The following ATXN1 variants were observed in gnomAD, a reference collection of about 807,000 sequenced individuals.
ATXN1 encodes ataxin-1.
A neutral mutation model predicts 56.4 loss-of-function variants in ATXN1; 8 were observed. That is an observed-to-expected ratio of 0.14 (90% CI 0.08 to 0.26). The LOEUF is 0.26. Among genes scored for constraint, ATXN1 ranks in the 10% least tolerant of loss-of-function variants. ATXN1 has a pLI of 1.00. For synonymous variants in ATXN1, 514 were observed against 494.6 expected (o/e 1.04, Z -0.52); for missense variants, 987 against 1,106.5 (o/e 0.89, Z 1.53).
chr6:16,517,362 C>T (rs1469071196), intron 5 of ATXN1, among the ~76,000 whole-genome samples: 3 of 152,208 alleles, frequency 2.0e-5, no homozygotes, highest in Non-Finnish European at 4.4e-5. Flanking sequence ...CACTTGACCT[C>T]TTCATGTCCC....
chr6:16,412,531 T>A (rs1758819938), intron 6 of ATXN1, among the ~76,000 whole-genome samples: 1 of 152,154 alleles, frequency 6.6e-6, no homozygotes, highest in African/African-American at 2.4e-5. Context: ...TACAATTCTA[T>A]CCACGGCAAC....
intron 6 of ATXN1, among the ~76,000 whole-genome samples, chr6:16,457,289 G>C (rs1307668032): frequency 2.0e-5 from 3 of 151,948 alleles, no homozygotes; most frequent in Non-Finnish European, 4.4e-5. Context: ...TTGTGGTCTA[G>C]GAGGAAAACT....
chr6:16,602,486 C>G (rs1352662282), intron 3 of ATXN1, among the ~76,000 whole-genome samples: 2 of 149,360 alleles, frequency 1.3e-5, no homozygotes, highest in African/African-American at 2.5e-5. Context: ...GAGTCTCGCT[C>G]TGTGACCCAG....
At chr6:16,470,690 C>T (rs543411735) in intron 6 of ATXN1, among the ~76,000 whole-genome samples, 74 of 152,150 alleles carry the variant, frequency 4.9e-4, no homozygotes, top group African/African-American at 1.7e-3. Context: ...AAGATCTCCC[C>T]TGGGATCAGC....
intron 3 of ATXN1, among the ~76,000 whole-genome samples, chr6:16,607,965 T>A (rs1763040349): frequency 6.6e-6 from 1 of 152,216 alleles, no homozygotes; most frequent in Non-Finnish European, 1.5e-5. Flanking sequence ...TTCCCATATA[T>A]AATCTTGTTA....
At chr6:16,577,107 G>A (rs1762436657) in intron 4 of ATXN1, among the ~76,000 whole-genome samples, 1 of 152,104 alleles carries the variant, frequency 6.6e-6, no homozygotes, top group Admixed American at 6.5e-5. Flanking sequence ...CCAGACCACA[G>A]ACACACCCCG....
At chr6:16,390,094 T>C (rs1408277308) in intron 6 of ATXN1, among the ~76,000 whole-genome samples, 5 of 152,214 alleles carry the variant, frequency 3.3e-5, no homozygotes, top group Non-Finnish European at 5.9e-5. Flanking sequence ...ATCTGTAATG[T>C]CTGGCTAACA....
chr6:16,516,227 G>C (rs867965332), intron 5 of ATXN1, among the ~76,000 whole-genome samples: 5 of 152,116 alleles, frequency 3.3e-5, no homozygotes, highest in Admixed American at 1.3e-4. Context: ...CCAAGCCTGG[G>C]CTTTGGGGGC....
intron 2 of ATXN1, among the ~76,000 whole-genome samples, chr6:16,680,899 G>T (rs562573852): frequency 4.6e-5 from 7 of 152,248 alleles, no homozygotes; most frequent in African/African-American, 1.7e-4. Flanking sequence ...ATTTCTTTGA[G>T]AATGGTTGGA....
At chr6:16,341,814 C>T (rs1274224269) in intron 6 of ATXN1, among the ~76,000 whole-genome samples, 3 of 151,266 alleles carry the variant, frequency 2.0e-5, no homozygotes, top group Non-Finnish European at 4.4e-5. Flanking sequence ...CCACCGCACC[C>T]GGCTGGTATA....
chr6:16,706,158 T>C (rs1291408511), intron 2 of ATXN1, among the ~76,000 whole-genome samples: 1 of 152,176 alleles, frequency 6.6e-6, no homozygotes, highest in Non-Finnish European at 1.5e-5. Flanking sequence ...AAGCTTGGAC[T>C]GAAGGACGTG....
chr6:16,731,810 G>C (rs1759994690), intron 2 of ATXN1, among the ~76,000 whole-genome samples: 2 of 151,530 alleles, frequency 1.3e-5, no homozygotes, highest in African/African-American at 4.9e-5. Context: ...TGTGGTCAAA[G>C]AATCTGTTTC....
At chr6:16,650,787 C>A (rs555475215) in intron 3 of ATXN1, among the ~76,000 whole-genome samples, 1 of 152,306 alleles carries the variant, frequency 6.6e-6, no homozygotes, top group African/African-American at 2.4e-5. Context: ...ACCAATCTGG[C>A]TGTTTCTGTA....
intron 3 of ATXN1, among the ~76,000 whole-genome samples, chr6:16,597,068 A>G (rs777685728): frequency 8.5e-5 from 13 of 152,194 alleles, no homozygotes; most frequent in Non-Finnish European, 1.6e-4. Flanking sequence ...TCATGCACTC[A>G]GAGGGGAGTG....
intron 6 of ATXN1, among the ~76,000 whole-genome samples, chr6:16,483,140 C>T (rs1157306617): frequency 1.3e-5 from 2 of 152,142 alleles, no homozygotes; most frequent in African/African-American, 4.8e-5. Context: ...CCCCTCCCCC[C>T]AGCCCTTACA....
chr6:16,614,462 T>G (rs531880577), intron 3 of ATXN1, among the ~76,000 whole-genome samples: 2 of 151,918 alleles, frequency 1.3e-5, no homozygotes, highest in African/African-American at 4.8e-5. Flanking sequence ...CACCATTCAA[T>G]AGACAAAAAT....
intron 3 of ATXN1, among the ~76,000 whole-genome samples, chr6:16,595,288 C>T (rs1440488687): frequency 1.3e-5 from 2 of 152,126 alleles, no homozygotes; most frequent in Non-Finnish European, 2.9e-5. Flanking sequence ...TGATTCTTTC[C>T]TCTCCAAAAG....
chr6:16,449,484 T>C (rs547328560), intron 6 of ATXN1, among the ~76,000 whole-genome samples: 1 of 152,250 alleles, frequency 6.6e-6, no homozygotes, highest in South Asian at 2.1e-4. Flanking sequence ...CCCTCAGGCT[T>C]ATGAGTTTCT....
intron 4 of ATXN1, among the ~76,000 whole-genome samples, chr6:16,523,144 C>T (rs1761326038): frequency 6.6e-6 from 1 of 152,204 alleles, no homozygotes; most frequent in Non-Finnish European, 1.5e-5. Flanking sequence ...TCAAGCGCTC[C>T]TTCCACCTCA....
Sources: allele counts gnomAD v4.1 joint callset (sites outside exome capture counted in the v4.1 genomes callset), GRCh38; gene constraint gnomAD v4.1.1; transcripts MANE v1.5; gene names NCBI Gene and HGNC (gene_info 2026-07-23, HGNC 2026-07-21).